The following CNTNAP2 variants were observed in gnomAD, a reference collection of about 807,000 sequenced individuals.
The protein encoded by CNTNAP2 is contactin associated protein 2.
CNTNAP2 carries 98 observed loss-of-function variants against 155.2 expected under a neutral mutation model. That is an observed-to-expected ratio of 0.63 (90% CI 0.54 to 0.75). The LOEUF (loss-of-function observed/expected upper bound fraction) is 0.75, where lower values mean the gene tolerates loss of function less well. Ranked by LOEUF, CNTNAP2 falls within the 30% of genes least tolerant of loss-of-function variation. CNTNAP2 has a pLI of 0.00. For missense variants in CNTNAP2, 1,727 were observed against 1,688.1 expected, an observed-to-expected ratio of 1.02 and a Z score of -0.40; for synonymous variants, 651 against 631.2, an observed-to-expected ratio of 1.03 and a Z score of -0.47.
intron 14 of CNTNAP2, among the ~76,000 whole-genome samples, chr7:147,905,978 G>T (rs574081889): frequency 6.6e-6 from 1 of 152,036 alleles, no homozygotes; most frequent in South Asian, 2.1e-4. Flanking sequence ...AATCCATAAC[G>T]TCTTGGAGGA....
intron 1 of CNTNAP2, among the ~76,000 whole-genome samples, chr7:146,235,893 C>A (rs1389040203): frequency 6.6e-6 from 1 of 151,834 alleles, no homozygotes. Context: ...GTCTTATAAC[C>A]AATTATGGAC....
chr7:148,288,446 C>T (rs556679521), intron 21 of CNTNAP2, among the ~76,000 whole-genome samples: 81 of 152,216 alleles, frequency 5.3e-4, no homozygotes, highest in Non-Finnish European at 7.2e-4. Context: ...AGGGACCCAC[C>T]GCGATGACCT....
chr7:147,062,497 A>G (rs778709146), intron 4 of CNTNAP2, among the ~76,000 whole-genome samples: 1 of 133,370 alleles, frequency 7.5e-6, no homozygotes, highest in Non-Finnish European at 1.8e-5. Context: ...TTTTGGGTTT[A>G]AAGACAAAAT....
intron 13 of CNTNAP2, among the ~76,000 whole-genome samples, chr7:147,683,068 T>A (rs1021918454): frequency 6.6e-6 from 1 of 151,912 alleles, no homozygotes; most frequent in Non-Finnish European, 1.5e-5. Context: ...AAAATTCTAT[T>A]GAAAATTAAT....
intron 1 of CNTNAP2, among the ~76,000 whole-genome samples, chr7:146,167,382 C>A (rs1450123988): frequency 6.6e-6 from 1 of 152,198 alleles, no homozygotes; most frequent in Non-Finnish European, 1.5e-5. Context: ...GGCCACAATA[C>A]TTCAGCTGAA....
chr7:148,135,867 AG>A (rs1401483225), intron 16 of CNTNAP2, among the ~76,000 whole-genome samples: 1 of 1,918 alleles, frequency 5.2e-4, no homozygotes, highest in Non-Finnish European at 9.2e-4. Context: ...AGGGGAGGGG[AG>A]GGGGGGAAGG....
intron 13 of CNTNAP2, among the ~76,000 whole-genome samples, chr7:147,874,337 A>T (rs1799385604): frequency 6.6e-6 from 1 of 152,176 alleles, no homozygotes; most frequent in Non-Finnish European, 1.5e-5. Context: ...AGGCATTTCC[A>T]TACATTCTCT....
At chr7:146,727,793 T>A (rs1801456721) in intron 1 of CNTNAP2, among the ~76,000 whole-genome samples, 1 of 152,216 alleles carries the variant, frequency 6.6e-6, no homozygotes, top group East Asian at 1.9e-4. Flanking sequence ...TTATTCGCTC[T>A]GTAAATATGT....
intron 3 of CNTNAP2, among the ~76,000 whole-genome samples, chr7:146,944,722 T>TA (rs1191002659): frequency 6.6e-6 from 1 of 151,626 alleles, no homozygotes; most frequent in Non-Finnish European, 1.5e-5. Context: ...ACTAAAAATA[T>TA]AAAAAAATTG....
chr7:146,356,166 T>C (rs1794995142), intron 1 of CNTNAP2, among the ~76,000 whole-genome samples: 1 of 152,118 alleles, frequency 6.6e-6, no homozygotes, highest in African/African-American at 2.4e-5. Context: ...CAATTCTATC[T>C]GTAGACATCA....
chr7:147,935,825 A>G (rs547733324), intron 14 of CNTNAP2, among the ~76,000 whole-genome samples: 1 of 152,312 alleles, frequency 6.6e-6, no homozygotes, highest in African/African-American at 2.4e-5. Context: ...AAACAACTAT[A>G]TGTTTACTCT....
At chr7:146,711,107 C>T (rs943043041) in intron 1 of CNTNAP2, among the ~76,000 whole-genome samples, 3 of 150,120 alleles carry the variant, frequency 2.0e-5, no homozygotes, top group Admixed American at 1.3e-4. Flanking sequence ...CCTGTATATG[C>T]ACACACACAC....
intron 11 of CNTNAP2, among the ~76,000 whole-genome samples, chr7:147,504,386 A>G (rs1400824910): frequency 6.6e-6 from 1 of 152,130 alleles, no homozygotes; most frequent in Non-Finnish European, 1.5e-5. Context: ...GAGACAGTAT[A>G]TAATCATTAA....
chr7:147,463,958 TAAAAAAAAAA>T (rs34032978), intron 10 of CNTNAP2, among the ~76,000 whole-genome samples: 4 of 82,968 alleles, frequency 4.8e-5, no homozygotes, highest in East Asian at 4.2e-4. Context: ...GCCCCACTAC[TAAAAAAAAAA>T]AAAAAAAAAA....
intron 8 of CNTNAP2, among the ~76,000 whole-genome samples, chr7:147,149,488 G>T (rs1433879186): frequency 2.0e-5 from 3 of 152,182 alleles, no homozygotes; most frequent in Non-Finnish European, 4.4e-5. Flanking sequence ...CAAAAAGAAA[G>T]AAATTAGTTT....
At chr7:147,746,900 C>A (rs1267687417) in intron 13 of CNTNAP2, among the ~76,000 whole-genome samples, 1 of 152,090 alleles carries the variant, frequency 6.6e-6, no homozygotes, top group Non-Finnish European at 1.5e-5. Context: ...GTTAATGATG[C>A]CTTGGGCTTT....
At chr7:147,972,861 A>C (rs966304538) in intron 14 of CNTNAP2, among the ~76,000 whole-genome samples, 3 of 152,162 alleles carry the variant, frequency 2.0e-5, no homozygotes, top group African/African-American at 7.2e-5. Flanking sequence ...GATGGACAAC[A>C]TAAAGGTATT....
intron 13 of CNTNAP2, among the ~76,000 whole-genome samples, chr7:147,768,736 C>G (rs1015585046): frequency 1.3e-5 from 2 of 151,918 alleles, no homozygotes; most frequent in African/African-American, 2.4e-5. Context: ...ATTAATGATA[C>G]CTTTTGAAGG....
At chr7:147,453,896 T>C (rs1459991099) in intron 10 of CNTNAP2, among the ~76,000 whole-genome samples, 1 of 152,166 alleles carries the variant, frequency 6.6e-6, no homozygotes, top group Non-Finnish European at 1.5e-5. Context: ...ATTGTATTCT[T>C]CCCACGTATC....
Sources: gnomAD v4.1 joint callset for allele counts (sites outside exome capture counted in the v4.1 genomes callset) on GRCh38, gnomAD v4.1.1 for gene constraint, MANE v1.5 for transcripts, NCBI Gene and HGNC (gene_info 2026-07-23, HGNC 2026-07-21) for gene names.